Variants in SOX6 observed in about 807,000 individuals in gnomAD.
The protein encoded by SOX6 is SRY-box transcription factor 6.
SOX6 carries 11 observed loss-of-function variants against 97.8 expected under a neutral mutation model. That is an observed-to-expected ratio of 0.11 (90% CI 0.07 to 0.19). The LOEUF (loss-of-function observed/expected upper bound fraction) is 0.19, where lower values mean the gene tolerates loss of function less well. Among genes scored for constraint, SOX6 ranks in the 10% least tolerant of loss-of-function variants. The pLI, the probability that SOX6 is intolerant of heterozygous loss-of-function variation, is 1.00. For missense variants in SOX6, 810 were observed against 1,039.5 expected, an observed-to-expected ratio of 0.78 and a Z score of 3.04; for synonymous variants, 360 against 371.4, an observed-to-expected ratio of 0.97 and a Z score of 0.35.
chr11:16,632,275 G>A (rs946967251), intron 3 of SOX6, among the ~76,000 whole-genome samples: 2 of 151,968 alleles, frequency 1.3e-5, no homozygotes, highest in African/African-American at 2.4e-5. Flanking sequence ...TACATTACTG[G>A]GGGTTTTTTC....
At chr11:16,214,938 C>G (rs1590035849) in intron 4 of SOX6, among the ~76,000 whole-genome samples, 1 of 151,784 alleles carries the variant, frequency 6.6e-6, no homozygotes, top group African/African-American at 2.4e-5. Context: ...TTAGTAGATA[C>G]GGGGTTTTAC....
intron 6 of SOX6, among the ~76,000 whole-genome samples, chr11:16,120,400 TC>T (rs1849459704): frequency 6.6e-6 from 1 of 151,846 alleles, no homozygotes; most frequent in Non-Finnish European, 1.5e-5. Context: ...GGCACACTAT[TC>T]CTAGCACTCT....
At chr11:16,706,473 T>TAA (rs1848136492) in intron 3 of SOX6, among the ~76,000 whole-genome samples, 1 of 15,004 alleles carries the variant, frequency 6.7e-5, no homozygotes. Context: ...AAAAAAAAAA[T>TAA]ATATATATAT....
At chr11:16,419,959 T>A (rs1858994499) in intron 1 of SOX6, among the ~76,000 whole-genome samples, 1 of 152,202 alleles carries the variant, frequency 6.6e-6, no homozygotes. Flanking sequence ...AATGGATTTT[T>A]AAATTTTTTC....
intron 12 of SOX6, among the ~76,000 whole-genome samples, chr11:16,043,796 G>A (rs1459684167): frequency 6.6e-6 from 1 of 152,140 alleles, no homozygotes; most frequent in Admixed American, 6.5e-5. Context: ...TTGGTAGCTA[G>A]CCCTTGGCTG....
At chr11:16,149,119 C>T (rs1001945273) in intron 6 of SOX6, among the ~76,000 whole-genome samples, 2 of 152,114 alleles carry the variant, frequency 1.3e-5, no homozygotes, top group South Asian at 4.1e-4. Context: ...AAGTATACTA[C>T]ACAAATGGAA....
chr11:16,470,452 T>C (rs1484531571), intron 1 of SOX6, among the ~76,000 whole-genome samples: 1 of 152,082 alleles, frequency 6.6e-6, no homozygotes, highest in Admixed American at 6.5e-5. Flanking sequence ...TTTGCTTCCC[T>C]AAAAATCTAT....
chr11:16,492,504 T>G (rs973835675), intron 4 of SOX6, among the ~76,000 whole-genome samples: 2 of 152,228 alleles, frequency 1.3e-5, no homozygotes, highest in African/African-American at 4.8e-5. Context: ...ATTGAGTAAG[T>G]GCTTCAGACT....
chr11:16,017,314 T>A (rs1209465024), intron 12 of SOX6, among the ~76,000 whole-genome samples: 1 of 152,048 alleles, frequency 6.6e-6, no homozygotes, highest in African/African-American at 2.4e-5. Context: ...AATATCAATA[T>A]TTTGACAGAG....
intron 4 of SOX6, among the ~76,000 whole-genome samples, chr11:16,502,109 A>C (rs1224544894): frequency 6.6e-6 from 1 of 152,230 alleles, no homozygotes; most frequent in Non-Finnish European, 1.5e-5. Flanking sequence ...TGGCACATAT[A>C]TACCATGGAA....
In SOX6 at chr11:16,692,088, T is replaced by C. The variant is rs1422528890; in HGVS notation, n.429+22742A>G. Among the ~76,000 whole-genome samples, 112 of 145,032 alleles carry C rather than the reference T, an allele frequency of 7.7e-4. 1 individual carries two copies. Among genetic ancestry groups the C allele is most frequent in the African/African-American group, 9.1e-4 (34 of 37,362 alleles). On this transcript the variant is annotated intron_variant and non_coding_transcript_variant, in intron 3 of 5. Transcript: ENST00000524520. The stretch of plus-strand genomic sequence containing the variant: ...GTGTGTGTGTGTGTGTGTGTGTGTG[T>C]GCGCGCGCGCGCTTTCTGAGTCTTG...
intron 2 of SOX6, among the ~76,000 whole-genome samples, chr11:16,732,333 A>G (rs750309070): frequency 1.3e-5 from 2 of 152,244 alleles, no homozygotes; most frequent in African/African-American, 2.4e-5. Context: ...CTCACTTCAA[A>G]CTAAGCTACA....
intron 4 of SOX6, among the ~76,000 whole-genome samples, chr11:16,511,838 G>C (rs111408617): frequency 0.015 from 2,301 of 152,174 alleles, 63 homozygotes; most frequent in African/African-American, 0.053. Context: ...GTTTTTCTTA[G>C]AGCAGATGTC....
intron 10 of SOX6, among the ~76,000 whole-genome samples, chr11:16,053,397 C>A (rs1564928242): frequency 6.6e-6 from 1 of 152,054 alleles, no homozygotes; most frequent in South Asian, 2.1e-4. Context: ...TCCCTGTGTA[C>A]AACTAGATAT....
At position 15,988,218 on chromosome 11, in the gene SOX6, G is replaced by A. The variant is rs1853929525; in HGVS notation, c.1966+779C>T. ...TTTTTAAAGAGGAAACATGTTGACT[G>A]TAATGCTGCATGTTGAATAAAATAT... On this transcript the variant is annotated intron_variant, in intron 14 of 15. Coordinates refer to ENST00000683767, the MANE Select transcript of SOX6 (RefSeq NM_001367873.1). 2.0e-5 allele frequency among the ~76,000 whole-genome samples: 3 copies of A among 152,208 alleles called. No individual in the cohort carries two copies. In the South Asian group the frequency reaches 6.2e-4, roughly 32 times the overall value.
At chr11:16,050,185 A>C (rs1287214683) in intron 10 of SOX6, among the ~76,000 whole-genome samples, 2 of 152,122 alleles carry the variant, frequency 1.3e-5, no homozygotes, top group African/African-American at 4.8e-5. Context: ...TTAAAATCTG[A>C]ATTAGCTCAC....
rs573950903 is a variant in SOX6 at position 16,421,538 on chromosome 11, T to C, written c.-5+54777A>G. On this transcript the variant is annotated intron_variant, in intron 1 of 15. Transcript: ENST00000396356. ...CATTTGGTAAAGTCATTTCAGTTCC[T>C]GTATGTAACCCTTTATAATGCCCAT... Among the ~76,000 whole-genome samples, 7 of 152,314 alleles carry C rather than the reference T, an allele frequency of 4.6e-5. No homozygotes were observed. In the South Asian group the frequency reaches 1.4e-3, roughly 32 times the overall value.
chr11:16,410,879 T>C (rs966527155), intron 1 of SOX6, among the ~76,000 whole-genome samples: 2 of 151,892 alleles, frequency 1.3e-5, no homozygotes, highest in African/African-American at 4.8e-5. Context: ...TTTTTTCTTA[T>C]TGTTTTAACA....
intron 1 of SOX6, among the ~76,000 whole-genome samples, chr11:16,463,300 A>G (rs1247518041): frequency 6.6e-6 from 1 of 152,176 alleles, no homozygotes; most frequent in Non-Finnish European, 1.5e-5. Context: ...GGAACATACT[A>G]TACATCAGGC....
Sources: allele counts gnomAD v4.1 joint callset (sites outside exome capture counted in the v4.1 genomes callset), GRCh38; gene constraint gnomAD v4.1.1; transcripts MANE v1.5; gene names NCBI Gene and HGNC (gene_info 2026-07-23, HGNC 2026-07-21).